DENND5B: variants seen among roughly 807,000 people sequenced by gnomAD.
DENND5B encodes DENN domain containing 5B, also known as DENN domain-containing protein 5B.
DENND5B carries 34 observed loss-of-function variants against 140.6 expected under a neutral mutation model. That is an observed-to-expected ratio of 0.24 (90% CI 0.18 to 0.32). DENND5B has a LOEUF of 0.32. Ranked by LOEUF, DENND5B falls within the 10% of genes least tolerant of loss-of-function variation. DENND5B has a pLI of 1.00. For synonymous variants in DENND5B, 551 were observed against 562.1 expected (o/e 0.98, Z 0.28); for missense variants, 1,142 against 1,560.2 (o/e 0.73, Z 4.52).
chr12:31,482,602 G>GA (rs942441294), intron 2 of DENND5B, among the ~76,000 whole-genome samples: 4 of 150,358 alleles, frequency 2.7e-5, no homozygotes, highest in African/African-American at 9.8e-5. Context: ...TTTTAGAGGT[G>GA]AGGTCTTGCT....
chr12:31,439,313 C>T (rs1040627614), intron 7 of DENND5B, among the ~76,000 whole-genome samples: 1 of 152,120 alleles, frequency 6.6e-6, no homozygotes, highest in Admixed American at 6.6e-5. Context: ...ATGACTGAGG[C>T]TTCGTGTGGA....
chr12:31,427,905 A>G (rs1943320513), intron 8 of DENND5B, among the ~76,000 whole-genome samples: 1 of 152,170 alleles, frequency 6.6e-6, no homozygotes, highest in Non-Finnish European at 1.5e-5. Context: ...GAGAGTTTGT[A>G]CATTTAATAT....
rs527858175 is a variant in DENND5B at position 31,575,651 on chromosome 12, G to C, written c.127+15055C>G. 3.3e-5 allele frequency among the ~76,000 whole-genome samples: 5 copies of C among 152,288 alleles called. No individual in the cohort carries two copies. The South Asian group carries it at 1.0e-3, about 32-fold the overall frequency. On this transcript the variant is annotated intron_variant, in intron 1 of 20. Transcript: ENST00000389082. ...AGGTACTAAACCCGAAAAGATGTGA[G>C]ATATAAGAAATTGCCCAGTTTCAGG...
rs1372124800 is a variant in DENND5B at position 31,382,829 on chromosome 12, T to A, written c.*4774A>T. On this transcript the variant is annotated 3_prime_UTR_variant, in exon 21 of 21. Transcript: ENST00000389082. ...TTTTGGAGAGGAGGTTCTCCTTAGA[T>A]TCTTTTGATCACACTACATCAGCAA... is the stretch of plus-strand genomic sequence containing the variant. 2.0e-5 allele frequency: 3 copies of A among 152,148 alleles called. No individual in the cohort carries two copies. The East Asian group carries it at 5.8e-4, about 29-fold the overall frequency. 9.4% of individuals were successfully genotyped at this position (152,148 alleles called of 1,614,324 possible). A position where few individuals can be genotyped will look rare whatever the true frequency, so the allele number is the denominator to read the frequency against.
At chr12:31,512,360 G>A (rs569306734) in intron 1 of DENND5B, among the ~76,000 whole-genome samples, 26 of 148,484 alleles carry the variant, frequency 1.8e-4, no homozygotes, top group Admixed American at 1.7e-3. Flanking sequence ...GGGACTACAC[G>A]TACACACCAC....
chr12:31,499,039 AAAG>A (rs200412031), intron 1 of DENND5B, among the ~76,000 whole-genome samples: 3,003 of 152,018 alleles, frequency 0.02, 50 homozygotes, highest in Middle Eastern at 0.065. Flanking sequence ...GCACTGGCCA[AAAG>A]AAGAGAATCT....
chr12:31,570,276 T>C (rs1383095594), intron 1 of DENND5B, among the ~76,000 whole-genome samples: 1 of 149,510 alleles, frequency 6.7e-6, no homozygotes, highest in Non-Finnish European at 1.5e-5. Context: ...AAATTCTCTC[T>C]CTTTTTTTTT....
chr12:31,590,773 G>A lies in DENND5B; in HGVS notation c.60C>T (p.Arg20=). 1.4e-6 allele frequency: 2 copies of A among 1,386,764 alleles called. No homozygotes were observed. The highest frequency in any genetic ancestry group is 1.9e-6 in the Non-Finnish European group (2 of 1,069,096). The allele number at this position is 1,386,764 out of a possible 1,614,324, so 85.9% of individuals were successfully genotyped here. ...CGCACAGCACGAAGTAGTGCGCGAAGCGGCAGGCGGCCGGGGAGGAGCCCG... is the reference window on the plus strand; with the variant it reads ...CGCACAGCACGAAGTAGTGCGCGAAACGGCAGGCGGCCGGGGAGGAGCCCG... ...PGSGSSPAAC[R]FAHYFVLCGI... The change falls in exon 1 of 21, where the codon CGC becomes CGT. Residue 20 remains arginine (R), a synonymous_variant. Transcript: ENST00000389082.
At chr12:31,443,120 G>A (rs1944118241) in intron 6 of DENND5B, among the ~76,000 whole-genome samples, 195 bp from the exon 7 acceptor site, 2 of 152,128 alleles carry the variant, frequency 1.3e-5, no homozygotes, top group African/African-American at 2.4e-5. Context: ...TTATTGCCCA[G>A]GCTGGAGTGC....
In DENND5B at chr12:31,452,179, T is replaced by A; in HGVS notation, c.1390A>T (p.Thr464Ser). ...TCCATTTTTTCCACAGCCACACCAG[T>A]ACGCTTGGCCAGAGCCTGCAAGCGG... Reference protein sequence around the residue: ...IARLQALAKRTGVAVEKMDLS... With the variant: ...IARLQALAKRSGVAVEKMDLS... Residue 464 changes from threonine (T) to serine (S), a missense_variant, in exon 5 of 21, where the codon ACT (threonine) becomes TCT (serine). Transcript: ENST00000389082. 1 of 1,614,002 alleles carries A rather than the reference T, an allele frequency of 6.2e-7. No homozygotes were observed. The highest frequency in any genetic ancestry group is 8.5e-7 in the Non-Finnish European group (1 of 1,179,882).
At chr12:31,570,329 T>C (rs1232213429) in intron 1 of DENND5B, among the ~76,000 whole-genome samples, 1 of 149,768 alleles carries the variant, frequency 6.7e-6, no homozygotes, top group East Asian at 2.0e-4. Context: ...CAGGCTGGAG[T>C]GCAGTGGCAC....
intron 1 of DENND5B, among the ~76,000 whole-genome samples, chr12:31,532,692 T>TG (rs1948329437): frequency 6.6e-6 from 1 of 152,052 alleles, no homozygotes; most frequent in African/African-American, 2.4e-5. Flanking sequence ...AAATTAGATA[T>TG]GGGGGAATTG....
At chr12:31,540,947 A>G in intron 1 of DENND5B, 1 of 444,438 alleles carries the variant, frequency 2.3e-6, no homozygotes. Flanking sequence ...AGAACATACA[A>G]TGGAGAAAGG....
chr12:31,541,114 A>T (rs908419095), intron 1 of DENND5B: 2 of 417,804 alleles, frequency 4.8e-6, no homozygotes, highest in Non-Finnish European at 9.4e-6. Flanking sequence ...ACTAAAAGAA[A>T]ACATTGGGGA....
chr12:31,566,499 T>C (rs1401777675), intron 1 of DENND5B, among the ~76,000 whole-genome samples: 1 of 151,714 alleles, frequency 6.6e-6, no homozygotes, highest in African/African-American at 2.4e-5. Flanking sequence ...CTGGGCCCAG[T>C]AGCTCATGCC....
intron 1 of DENND5B, among the ~76,000 whole-genome samples, chr12:31,515,229 C>T (rs887086623): frequency 6.6e-6 from 1 of 152,148 alleles, no homozygotes; most frequent in African/African-American, 2.4e-5. Flanking sequence ...CACATGAGCC[C>T]ATAAGTTCAA....
At chr12:31,460,447 G>A in intron 3 of DENND5B, 66 bp from the exon 4 acceptor site, 6 of 1,482,098 alleles carry the variant, frequency 4.0e-6, no homozygotes, top group Non-Finnish European at 4.5e-6. Context: ...TCATTAAGCT[G>A]GAAAATGTGG....
At chr12:31,410,961 C>CT (rs1246467438) in intron 13 of DENND5B, among the ~76,000 whole-genome samples, 6 of 151,678 alleles carry the variant, frequency 4.0e-5, no homozygotes, top group African/African-American at 1.5e-4. Context: ...ATGTGAAATA[C>CT]TTAGTGTTCT....
At chr12:31,564,970 T>C (rs1194863653) in intron 1 of DENND5B, among the ~76,000 whole-genome samples, 1 of 152,194 alleles carries the variant, frequency 6.6e-6, no homozygotes, top group Non-Finnish European at 1.5e-5. Flanking sequence ...ACACTACTAT[T>C]GCTTTAGTAT....
Sources: allele counts gnomAD v4.1 joint callset (sites outside exome capture counted in the v4.1 genomes callset), GRCh38; gene constraint gnomAD v4.1.1; transcripts MANE v1.5; gene names NCBI Gene and HGNC (gene_info 2026-07-23, HGNC 2026-07-21).